The following RBMS3 variants were observed in gnomAD, a reference collection of about 807,000 sequenced individuals.
RBMS3 encodes RNA binding motif single stranded interacting protein 3.
RBMS3 carries 27 observed loss-of-function variants against 66.8 expected under a neutral mutation model. The observed-to-expected ratio is 0.40, with a 90% CI of 0.30 to 0.56. RBMS3 has a LOEUF of 0.56. Among genes scored for constraint, RBMS3 ranks in the 20% least tolerant of loss-of-function variants. RBMS3 has a pLI of 0.40. For missense variants in RBMS3, 513 were observed against 549.5 expected, an observed-to-expected ratio of 0.93 and a Z score of 0.66; for synonymous variants, 188 against 183.0, an observed-to-expected ratio of 1.03 and a Z score of -0.22.
At chr3:29,958,624 G>A (rs570765654) in intron 12 of RBMS3, among the ~76,000 whole-genome samples, 19 of 152,146 alleles carry the variant, frequency 1.2e-4, no homozygotes, top group East Asian at 3.9e-4. Context: ...TAAGGTGCCC[G>A]TTAGCTTTAA....
In RBMS3 at chr3:29,509,823, C is replaced by T. The variant is rs546823160; in HGVS notation, c.307+21324C>T. Among the ~76,000 whole-genome samples, 32 of 152,286 alleles carry T rather than the reference C, an allele frequency of 2.1e-4. No individual in the cohort carries two copies. The South Asian group carries it at 6.2e-3, about 30-fold the overall frequency. ...CTTATCAAGAGTGAGAATTGTACAC[C>T]TATTCAGAACAACAACAAAGGACTG... On this transcript the variant is annotated intron_variant, in intron 3 of 14. Transcript: ENST00000383767.
intron 1 of RBMS3, among the ~76,000 whole-genome samples, chr3:29,420,162 C>A (rs2040647211): frequency 6.6e-6 from 1 of 152,182 alleles, no homozygotes; most frequent in Admixed American, 6.5e-5. Flanking sequence ...TTGAGTTCCA[C>A]CTTTCTTTGA....
At chr3:29,550,765 C>A (rs934593738) in intron 3 of RBMS3, among the ~76,000 whole-genome samples, 9 of 152,104 alleles carry the variant, frequency 5.9e-5, no homozygotes, top group African/African-American at 2.2e-4. Context: ...GTGAACCCTG[C>A]ATATTTTGGC....
chr3:29,720,966 T>G (rs1472074633), intron 4 of RBMS3, among the ~76,000 whole-genome samples: 1 of 152,130 alleles, frequency 6.6e-6, no homozygotes, highest in Non-Finnish European at 1.5e-5. Context: ...TACACTCAGA[T>G]GAAGGTTTTA....
intron 6 of RBMS3, among the ~76,000 whole-genome samples, chr3:29,797,279 T>C (rs1225734910): frequency 6.6e-6 from 1 of 152,244 alleles, no homozygotes; most frequent in Admixed American, 6.5e-5. Flanking sequence ...TTTTATGTTA[T>C]GGAAACAGCT....
intron 6 of RBMS3, among the ~76,000 whole-genome samples, chr3:29,793,448 TA>T (rs1029683086): frequency 9.9e-5 from 15 of 152,262 alleles, no homozygotes; most frequent in African/African-American, 3.6e-4. Flanking sequence ...CAGTGAATAA[TA>T]AAAAAGCATG....
intron 3 of RBMS3, among the ~76,000 whole-genome samples, chr3:29,547,601 T>C (rs2046009869): frequency 6.6e-6 from 1 of 152,082 alleles, no homozygotes; most frequent in Admixed American, 6.6e-5. Context: ...GAGGGATATT[T>C]TCTGATTCAG....
chr3:29,614,391 A>G (rs373986482), intron 4 of RBMS3: 1 of 152,132 alleles, frequency 6.6e-6, no homozygotes, highest in Non-Finnish European at 1.5e-5. Flanking sequence ...CTAGTTATCT[A>G]TTGTACAACA....
At chr3:29,309,260 A>G (rs1451310271) in intron 1 of RBMS3, among the ~76,000 whole-genome samples, 3 of 151,798 alleles carry the variant, frequency 2.0e-5, no homozygotes, top group Admixed American at 2.0e-4. Context: ...TTTTGGAGAC[A>G]TGACGGAGAG....
intron 4 of RBMS3, among the ~76,000 whole-genome samples, chr3:29,651,789 T>A (rs112400301): frequency 0.02 from 3,061 of 152,272 alleles, 41 homozygotes; most frequent in Admixed American, 0.029. Flanking sequence ...AATGGCAGTT[T>A]GGATGGTTGA....
intron 4 of RBMS3, among the ~76,000 whole-genome samples, chr3:29,635,061 T>C (rs1477354860): frequency 6.6e-6 from 1 of 151,960 alleles, no homozygotes; most frequent in Non-Finnish European, 1.5e-5. Context: ...AATCTTCTAT[T>C]GTATCCATGG....
chr3:29,366,951 C>G (rs1484848730), intron 1 of RBMS3, among the ~76,000 whole-genome samples: 4 of 152,058 alleles, frequency 2.6e-5, no homozygotes, highest in Non-Finnish European at 5.9e-5. Flanking sequence ...ATTATAAAGG[C>G]TGATCAGCAA....
intron 2 of RBMS3, among the ~76,000 whole-genome samples, chr3:29,448,998 C>A (rs2041926862): frequency 6.6e-6 from 1 of 152,038 alleles, no homozygotes; most frequent in Non-Finnish European, 1.5e-5. Flanking sequence ...TTGAACTAGA[C>A]CTTACTCACT....
At chr3:29,383,303 C>T (rs13059377) in intron 1 of RBMS3, among the ~76,000 whole-genome samples, 26,656 of 152,178 alleles carry the variant, frequency 0.18, 2,737 homozygotes, top group Non-Finnish European at 0.23. Flanking sequence ...TGGTTTCTCT[C>T]GTCACTTGTC....
chr3:29,321,735 C>A (rs2035017725), intron 1 of RBMS3, among the ~76,000 whole-genome samples: 1 of 151,860 alleles, frequency 6.6e-6, no homozygotes, highest in African/African-American at 2.4e-5. Context: ...ATTACAAGAC[C>A]AAAAATGAAA....
intron 7 of RBMS3, among the ~76,000 whole-genome samples, chr3:29,883,279 A>G (rs1416244265): frequency 6.6e-6 from 1 of 152,074 alleles, no homozygotes; most frequent in African/African-American, 2.4e-5. Flanking sequence ...AAAGGAGCCC[A>G]TATCAGAAGA....
chr3:29,511,024 C>T (rs1379926978), intron 3 of RBMS3, among the ~76,000 whole-genome samples: 5 of 152,314 alleles, frequency 3.3e-5, no homozygotes, highest in Non-Finnish European at 5.9e-5. Flanking sequence ...TTTGGCCGGG[C>T]GTGGTGGCTC....
At chr3:29,660,423 AC>A (rs1285539344) in intron 4 of RBMS3, among the ~76,000 whole-genome samples, 5 of 152,140 alleles carry the variant, frequency 3.3e-5, no homozygotes, top group African/African-American at 1.2e-4. Context: ...GTGTCTTTGA[AC>A]CTAAAATGAG....
chr3:29,329,842 A>T (rs1192211056), intron 1 of RBMS3, among the ~76,000 whole-genome samples: 2 of 148,072 alleles, frequency 1.4e-5, no homozygotes, highest in African/African-American at 4.9e-5. Flanking sequence ...AATCATGTGA[A>T]AAATTTTAAT....
Sources: gnomAD v4.1 joint callset for allele counts (sites outside exome capture counted in the v4.1 genomes callset) on GRCh38, gnomAD v4.1.1 for gene constraint, MANE v1.5 for transcripts, NCBI Gene and HGNC (gene_info 2026-07-23, HGNC 2026-07-21) for gene names.